Variants in MAST3 observed in about 807,000 individuals in gnomAD.
MAST3 encodes microtubule associated serine/threonine kinase 3.
A neutral mutation model predicts 127.0 loss-of-function variants in MAST3; 43 were observed. The ratio of observed to expected loss-of-function variants is 0.34; its 90% CI spans 0.27 to 0.44. MAST3 has a LOEUF of 0.44. MAST3 is among the 20% of genes least tolerant of loss of function. The probability of loss-of-function intolerance (pLI) is 1.00; values close to 1 mark genes in which losing one functional copy is unlikely to be tolerated. For synonymous variants in MAST3, 785 were observed against 809.2 expected (o/e 0.97, Z 0.51); for missense variants, 1,390 against 1,919.1 (o/e 0.72, Z 5.15).
At chr19:18,101,300 G>A (rs1459904317) in intron 1 of MAST3, among the ~76,000 whole-genome samples, 1 of 151,728 alleles carries the variant, frequency 6.6e-6, no homozygotes, top group African/African-American at 2.4e-5. Flanking sequence ...GCCCTCCAAG[G>A]TGATCCTGCT....
rs3048876 is a variant in MAST3 at position 18,116,090 on chromosome 19, C to CTTTTTTTTTTTTTTTTTTTTT, written c.161+5350_161+5370dup. 3.2e-4 allele frequency among the ~76,000 whole-genome samples: 28 copies of CTTTTTTTTTTTTTTTTTTTTT among 86,352 alleles called. 7 individuals carry two copies. Among genetic ancestry groups the CTTTTTTTTTTTTTTTTTTTTT allele is most frequent in the African/African-American group, 1.5e-3 (28 of 18,380 alleles). The allele number at this position is 86,352 out of a possible 152,430, so 56.7% of individuals were successfully genotyped here. ...TCTCAGCCTTGGTATTTGAAATTAT[C>CTTTTTTTTTTTTTTTTTTTTT]TTTTTTTTTTTTTTTTTTTTTGAGA... is the stretch of plus-strand genomic sequence containing the variant. On this transcript the variant is annotated intron_variant, in intron 3 of 27. Transcript: ENST00000687212.
At chr19:18,119,123 G>A (rs2039646288) in intron 3 of MAST3, among the ~76,000 whole-genome samples, 1 of 152,188 alleles carries the variant, frequency 6.6e-6, no homozygotes, top group Admixed American at 6.5e-5. Flanking sequence ...TCCAGGAAGA[G>A]TTGAACAAAC....
At chr19:18,118,301 CA>C (rs2039541599) in intron 3 of MAST3, 1 of 962,892 alleles carries the variant, frequency 1.0e-6, no homozygotes, top group East Asian at 1.1e-4. Flanking sequence ...GCCGAGCAAA[CA>C]GGAGTTGCCA....
intron 21 of MAST3, among the ~76,000 whole-genome samples, chr19:18,143,273 G>A (rs1170093889): frequency 1.3e-5 from 2 of 151,728 alleles, no homozygotes; most frequent in Non-Finnish European, 2.9e-5. Flanking sequence ...CTGGAAGCTG[G>A]GTTTTAAAAG....
rs1303087400 is a variant in MAST3 at position 18,138,234 on chromosome 19, C to T, written c.2096-781C>T. 4.1e-5 allele frequency among the ~76,000 whole-genome samples: 6 copies of T among 145,824 alleles called. No individual in the cohort carries two copies. In the South Asian group the frequency reaches 6.5e-4, roughly 16 times the overall value. On this transcript the variant is annotated intron_variant, in intron 19 of 27. Coordinates refer to ENST00000687212, the MANE Select transcript of MAST3 (RefSeq NM_001393504.1). ...AAAAAAAAAAAAAAAAAAAAAGATGCGCAATTTTACCTAATTCTGTGTGAC... is the reference window on the plus strand; with the variant it reads ...AAAAAAAAAAAAAAAAAAAAAGATGTGCAATTTTACCTAATTCTGTGTGAC...
At chr19:18,139,976 C>T (rs1334928505) in intron 20 of MAST3, among the ~76,000 whole-genome samples, 4 of 150,348 alleles carry the variant, frequency 2.7e-5, no homozygotes, top group African/African-American at 9.8e-5. Context: ...CCCGCCACCA[C>T]GCCCGGCTAA....
At chr19:18,127,286 G>A (rs1251365963) in intron 11 of MAST3, among the ~76,000 whole-genome samples, 1 of 150,448 alleles carries the variant, frequency 6.6e-6, no homozygotes, top group Non-Finnish European at 1.5e-5. Flanking sequence ...GGTGGCTCAC[G>A]CCTGTAATCC....
At chr19:18,125,869 G>A (rs890404072) in intron 11 of MAST3, among the ~76,000 whole-genome samples, 2 of 151,328 alleles carry the variant, frequency 1.3e-5, no homozygotes, top group African/African-American at 2.4e-5. Flanking sequence ...AGACTAGCCT[G>A]GCCAATATGC....
intron 15 of MAST3, among the ~76,000 whole-genome samples, chr19:18,134,048 C>T (rs569214299): frequency 6.6e-6 from 1 of 152,162 alleles, no homozygotes; most frequent in Non-Finnish European, 1.5e-5. Flanking sequence ...CTGTGTATAA[C>T]CATCATTTAA....
At chr19:18,114,192 C>CTT (rs59829048) in intron 3 of MAST3, among the ~76,000 whole-genome samples, 31,369 of 140,986 alleles carry the variant, frequency 0.22, 3,455 homozygotes, top group Non-Finnish European at 0.26. Context: ...TTTTCTTTTT[C>CTT]TTTTTTTTTT....
chr19:18,108,413 C>G (rs2146895292), intron 2 of MAST3, among the ~76,000 whole-genome samples: 1 of 151,754 alleles, frequency 6.6e-6, no homozygotes, highest in African/African-American at 2.4e-5. Flanking sequence ...TCTCTGTCAC[C>G]CACATAGTAC....
At chr19:18,125,973 C>T (rs969443281) in intron 11 of MAST3, among the ~76,000 whole-genome samples, 9 of 152,062 alleles carry the variant, frequency 5.9e-5, no homozygotes, top group Admixed American at 5.9e-4. Context: ...GCAGGAGAAT[C>T]GCTTGAACTC....
intron 3 of MAST3, among the ~76,000 whole-genome samples, chr19:18,111,091 T>G (rs2038551552): frequency 1.3e-5 from 2 of 151,972 alleles, no homozygotes; most frequent in South Asian, 4.2e-4. Flanking sequence ...AGAAAGCTCC[T>G]CCCTCTAAAA....
chr19:18,104,977 T>C (rs756786181), intron 1 of MAST3, among the ~76,000 whole-genome samples: 69 of 152,150 alleles, frequency 4.5e-4, no homozygotes, highest in Non-Finnish European at 8.7e-4. Flanking sequence ...ACAAATAATT[T>C]GCATGGCCAG....
At position 18,113,666 on chromosome 19, in the gene MAST3, T is replaced by C. The variant is rs192709255; in HGVS notation, c.161+2925T>C. Reference sequence around the variant, plus strand: ...TAGTAGAGATGGGGTTTCACCATGTTGGCCAGGCTGGTCTCAAACTCCTGA... The same window carrying C: ...TAGTAGAGATGGGGTTTCACCATGTCGGCCAGGCTGGTCTCAAACTCCTGA... On this transcript the variant is annotated intron_variant, in intron 3 of 27. Coordinates refer to ENST00000687212, the MANE Select transcript of MAST3 (RefSeq NM_001393504.1). Among the ~76,000 whole-genome samples, 458 of 152,322 alleles carry C rather than the reference T, an allele frequency of 3.0e-3. 1 individual carries two copies. Among genetic ancestry groups the C allele is most frequent in the Non-Finnish European group, 5.0e-3 (337 of 68,024 alleles).
At chr19:18,128,263 A>G in intron 11 of MAST3, 137 bp from the exon 12 acceptor site, 1 of 631,532 alleles carries the variant, frequency 1.6e-6, no homozygotes. Flanking sequence ...TGGCTTCATG[A>G]CAGTGTCATG....
At chr19:18,127,275 C>T (rs961542817) in intron 11 of MAST3, among the ~76,000 whole-genome samples, 2 of 147,566 alleles carry the variant, frequency 1.4e-5, no homozygotes, top group South Asian at 2.2e-4. Context: ...TGGCCGGGTG[C>T]GGTGGCTCAC....
intron 1 of MAST3, among the ~76,000 whole-genome samples, chr19:18,104,179 C>CAAAAAAAAAAAAA (rs56347763): frequency 6.9e-5 from 3 of 43,484 alleles, no homozygotes; most frequent in African/African-American, 2.3e-4. Context: ...GACGCTGTCT[C>CAAAAAAAAAAAAA]AAAAAAAAAA....
At chr19:18,118,327 C>A (rs1218554321) in intron 3 of MAST3, 3 of 879,344 alleles carry the variant, frequency 3.4e-6, no homozygotes, top group African/African-American at 1.8e-5. Flanking sequence ...TGTGTCCTGG[C>A]CGCGTGGCGC....
Sources: allele counts gnomAD v4.1 joint callset (sites outside exome capture counted in the v4.1 genomes callset), GRCh38; gene constraint gnomAD v4.1.1; transcripts MANE v1.5; gene names NCBI Gene and HGNC (gene_info 2026-07-23, HGNC 2026-07-21).